Variants in VPS13C observed in about 807,000 individuals in gnomAD.
The protein encoded by VPS13C is intermembrane lipid transfer protein VPS13C.
In VPS13C, 358 loss-of-function variants were observed where a neutral mutation model predicts 456.8. The ratio of observed to expected loss-of-function variants is 0.78; its 90% CI spans 0.72 to 0.86. The LOEUF (loss-of-function observed/expected upper bound fraction) is 0.86, where lower values mean the gene tolerates loss of function less well. Ranked by LOEUF, VPS13C falls within the 40% of genes least tolerant of loss-of-function variation. The pLI is 0.00. For synonymous variants in VPS13C, 1,578 were observed against 1,486.7 expected (o/e 1.06, Z -1.41); for missense variants, 4,818 against 4,385.4 (o/e 1.10, Z -2.79).
chr15:61,967,481 A>T, intron 28 of VPS13C, 34 bp from the exon 29 acceptor site: 1 of 1,487,340 alleles, frequency 6.7e-7, no homozygotes, highest in Non-Finnish European at 9.2e-7. Context: ...AAAGTGTTTC[A>T]AATAAATTGC....
Position 61,854,185 on chromosome 15 carries a change from G to T in VPS13C, c.*272C>A. On this transcript the variant is annotated 3_prime_UTR_variant, in exon 85 of 85. Transcript: ENST00000644861. ...TTTGCTTCACAATTTTAATATTAAT[G>T]AAAATTTCATTCTGAGTTTGAAGTG... 4 of 455,732 alleles carry T rather than the reference G, an allele frequency of 8.8e-6. No individual in the cohort carries two copies. The highest frequency in any genetic ancestry group is 3.4e-5 in the East Asian group (1 of 29,258). The allele number at this position is 455,732 out of a possible 1,614,324, so 28.2% of individuals were successfully genotyped here.
chr15:61,869,765 T>C, intron 79 of VPS13C, 142 bp from the exon 80 acceptor site: 1 of 1,397,834 alleles, frequency 7.2e-7, no homozygotes, highest in Non-Finnish European at 9.6e-7. Context: ...TTAAATGTAA[T>C]CCTAATGTGA....
At chr15:61,972,496 G>T in intron 27 of VPS13C, 129 bp downstream of exon 27, 1 of 839,960 alleles carries the variant, frequency 1.2e-6, no homozygotes, top group South Asian at 1.8e-5. Context: ...GTATGTGCAT[G>T]TGTGTTGGGC....
chr15:62,015,789 G>A (rs2047217977), intron 9 of VPS13C, among the ~76,000 whole-genome samples: 6 of 116,176 alleles, frequency 5.2e-5, no homozygotes, highest in Non-Finnish European at 1.1e-4. Flanking sequence ...GGTCGGGGGA[G>A]GGGGGAGGGG....
At chr15:61,997,818 T>C (rs1269823321) in intron 16 of VPS13C, among the ~76,000 whole-genome samples, 2 of 151,884 alleles carry the variant, frequency 1.3e-5, no homozygotes, top group Admixed American at 1.3e-4. Flanking sequence ...AATAGCCTCC[T>C]AACTGCTCCC....
intron 45 of VPS13C, among the ~76,000 whole-genome samples, chr15:61,944,258 C>G (rs1329361403): frequency 6.6e-6 from 1 of 152,092 alleles, no homozygotes; most frequent in Non-Finnish European, 1.5e-5. Flanking sequence ...ACAAAACTAC[C>G]ATTTGACCCA....
chr15:61,856,648 G>A (rs1596258999), intron 82 of VPS13C: 25 of 252,014 alleles, frequency 9.9e-5, no homozygotes, highest in South Asian at 6.5e-4. Context: ...CAATCTTGCA[G>A]AATTCAGAAA....
rs866825176 is a variant in VPS13C, at chr15:62,003,259, G to A, written c.1291-2633C>T. ...CGTCCTTTGTAAGTTGGATTCCTAG[G>A]TATTTTATTCTCTTTGAATCAATTG... On this transcript the variant is annotated intron_variant, in intron 15 of 84. Coordinates refer to ENST00000644861, the MANE Select transcript of VPS13C (RefSeq NM_020821.3). Among the ~76,000 whole-genome samples, 638 of 150,956 alleles carry A rather than the reference G, an allele frequency of 4.2e-3. 11 individuals are homozygous for A. The highest frequency in any genetic ancestry group is 0.014 in the African/African-American group (569 of 40,454).
chr15:61,876,559 C>A (rs993939612), intron 75 of VPS13C, among the ~76,000 whole-genome samples: 1 of 151,788 alleles, frequency 6.6e-6, no homozygotes, highest in Non-Finnish European at 1.5e-5. Context: ...GCAATTGTAC[C>A]AAAGTGACCT....
In VPS13C at chr15:61,958,596, T is replaced by G. The variant is rs766161390; in HGVS notation, c.4165+12A>C. On this transcript the variant is annotated intron_variant, in intron 37 of 84. Coordinates refer to ENST00000644861, the MANE Select transcript of VPS13C (RefSeq NM_020821.3). ...CACATATGTATATTGCCACTTACTGTCAGCCTCTTACCTGTCTCTTGTACT... is the reference window on the plus strand; with the variant it reads ...CACATATGTATATTGCCACTTACTGGCAGCCTCTTACCTGTCTCTTGTACT... The G allele has an allele frequency of 6.9e-7, 1 of 1,455,922 alleles. No individual in the cohort carries two copies. The highest frequency in any genetic ancestry group is 1.3e-5 in the South Asian group (1 of 79,540). The allele number at this position is 1,455,922 out of a possible 1,614,324, so 90.2% of individuals were successfully genotyped here.
intron 67 of VPS13C, among the ~76,000 whole-genome samples, chr15:61,886,268 T>A (rs1327683045): frequency 1.3e-5 from 2 of 152,134 alleles, no homozygotes; most frequent in African/African-American, 4.8e-5. Context: ...TTTCTAATTT[T>A]TCTGGCCATT....
chr15:61,958,947 G>A (rs560806060), intron 36 of VPS13C, among the ~76,000 whole-genome samples: 12 of 151,932 alleles, frequency 7.9e-5, no homozygotes, highest in Non-Finnish European at 1.8e-4. Context: ...TTATCAGTCA[G>A]TATTGGCTCC....
chr15:61,962,274 A>C, intron 34 of VPS13C, 97 bp downstream of exon 34: 3 of 1,112,794 alleles, frequency 2.7e-6, no homozygotes, highest in Non-Finnish European at 3.8e-6. Context: ...AATAATGCCC[A>C]CTCTAAAATC....
Position 61,983,979 on chromosome 15 carries a change from T to C in VPS13C, c.1755A>G (p.Thr585=). ...VEAKLEHWYI[T]GLRQQDIVPS... is the part of the protein sequence containing the mutation. ...GCACAATATCCTGCTGTCTCAAACC[T>C]GTTATATACCAGTGTTCTAATTTCG... The change falls in exon 20 of 85, where the codon ACA becomes ACG. Residue 585 remains threonine, a synonymous_variant. Transcript: ENST00000644861. 2 of 1,614,090 alleles carry C rather than the reference T, an allele frequency of 1.2e-6. No homozygotes were observed. Among genetic ancestry groups the C allele is most frequent in the South Asian group, 2.2e-5 (2 of 91,082 alleles).
At position 61,878,560 on chromosome 15, in the gene VPS13C, T is replaced by G. The variant is rs767026329; in HGVS notation, c.10142+47A>C. 5.0e-6 allele frequency: 8 copies of G among 1,587,374 alleles called. No homozygotes were observed. In the South Asian group the frequency reaches 9.3e-5, roughly 18 times the overall value. On this transcript the variant is annotated intron_variant, in intron 74 of 84. Transcript: ENST00000644861. ...TGGAGAGAATTAATGTCTAGAAACA[T>G]GACCTTGGTACACCTGCTTCTCAAT... is the stretch of plus-strand genomic sequence containing the variant.
At chr15:61,952,058 C>G (rs1328568311) in intron 38 of VPS13C, 78 bp from the exon 39 acceptor site, 23 of 1,484,170 alleles carry the variant, frequency 1.5e-5, no homozygotes, top group Non-Finnish European at 2.1e-5. Flanking sequence ...TAATAAGTAT[C>G]CAGAGTGATA....
Position 61,922,006 on chromosome 15 carries a change from C to G in VPS13C, c.7003G>C (p.Val2335Leu), listed in dbSNP as rs1301359689. 1.2e-6 allele frequency: 2 copies of G among 1,613,586 alleles called. No homozygotes were observed. The highest frequency in any genetic ancestry group is 1.1e-5 in the South Asian group (1 of 91,064). ...ACTCTCTCAATCAGTGGCTCCCAGA[C>G]AGCATGGATCTCATTGTAATAGTGC... The part of the protein sequence containing the change: ...QVHYYNEIHA[V>L]WEPLIERVEG... Residue 2335 changes from valine (V) to leucine (L), a missense_variant, in exon 55 of 85, where the codon GTC becomes CTC. Val to Leu is a conservative substitution (Grantham distance 32). This residue lies in a region of VPS13C where 4,552 missense variants were observed against 4,130.6 expected (regional missense o/e 1.10). Transcript: ENST00000644861.
At chr15:61,961,437 ACAC>A in intron 35 of VPS13C, 149 bp downstream of exon 35, 1 of 606,110 alleles carries the variant, frequency 1.6e-6, no homozygotes, top group Non-Finnish European at 2.7e-6. Flanking sequence ...ACACACACAC[ACAC>A]ACAAAACAAT....
In VPS13C at chr15:61,919,372, T is replaced by C. The variant is rs369129569; in HGVS notation, c.7555A>G (p.Asn2519Asp). 1.9e-6 allele frequency: 3 copies of C among 1,605,308 alleles called. No homozygotes were observed. Among genetic ancestry groups the C allele is most frequent in the Non-Finnish European group, 2.6e-6 (3 of 1,176,398 alleles). The change falls in exon 58 of 85, where the codon AAT becomes GAT. Residue 2519 changes from asparagine to aspartate, a missense_variant. Coordinates refer to ENST00000644861, the MANE Select transcript of VPS13C (RefSeq NM_020821.3). ...GRRLYNVRNP[N>D]ASHSDSVLVQ... ...AAGACAGAGTCAGAATGACTGGCAT[T>C]GGGATTCCGTACATTATACAATCGC...
Sources: allele counts gnomAD v4.1 joint callset (sites outside exome capture counted in the v4.1 genomes callset), GRCh38; gene constraint gnomAD v4.1.1; regional missense constraint gnomAD v4.1.1; transcripts MANE v1.5; gene names NCBI Gene and HGNC (gene_info 2026-07-23, HGNC 2026-07-21).